NRCAM: variants seen among roughly 807,000 people sequenced by gnomAD.
NRCAM encodes neuronal cell adhesion molecule.
Under a neutral mutation model 156.5 loss-of-function variants are expected in NRCAM, and 83 were observed. The ratio of observed to expected loss-of-function variants is 0.53; its 90% CI spans 0.44 to 0.64. The LOEUF is 0.64. Ranked by LOEUF, NRCAM falls within the 30% of genes least tolerant of loss-of-function variation. NRCAM has a pLI of 0.00. For missense variants in NRCAM, 1,417 were observed against 1,597.3 expected, an observed-to-expected ratio of 0.89 and a Z score of 1.92; for synonymous variants, 538 against 563.9, an observed-to-expected ratio of 0.95 and a Z score of 0.65.
intron 2 of NRCAM, among the ~76,000 whole-genome samples, chr7:108,345,397 C>G (rs1169807408): frequency 6.6e-6 from 1 of 152,080 alleles, no homozygotes; most frequent in South Asian, 2.1e-4. Context: ...TAAAGCGGTT[C>G]AAAAATGGCA....
intron 1 of NRCAM, among the ~76,000 whole-genome samples, chr7:108,446,077 C>T (rs757001115): frequency 6.6e-6 from 1 of 152,130 alleles, no homozygotes; most frequent in African/African-American, 2.4e-5. Flanking sequence ...TGACAAGCAC[C>T]AGCTTCAGAC....
intron 2 of NRCAM, among the ~76,000 whole-genome samples, chr7:108,369,875 T>G (rs955380781): frequency 6.6e-5 from 10 of 152,140 alleles, no homozygotes; most frequent in Non-Finnish European, 1.3e-4. Context: ...GGGTAGAAAC[T>G]TGAACTTTAG....
chr7:108,230,680 C>A (rs1404987162), intron 8 of NRCAM, among the ~76,000 whole-genome samples: 1 of 152,018 alleles, frequency 6.6e-6, no homozygotes, highest in African/African-American at 2.4e-5. Context: ...TATTTAGGGG[C>A]ATGGCTTGCT....
intron 3 of NRCAM, among the ~76,000 whole-genome samples, chr7:108,299,449 AT>A (rs2098545599): frequency 1.3e-5 from 2 of 152,034 alleles, no homozygotes; most frequent in Admixed American, 1.3e-4. Context: ...CAGTCCAAGA[AT>A]TTTTTTTCAG....
At chr7:108,257,074 AGAAG>A (rs1198291523) in intron 3 of NRCAM, among the ~76,000 whole-genome samples, 8 of 151,008 alleles carry the variant, frequency 5.3e-5, no homozygotes, top group Non-Finnish European at 8.9e-5. Context: ...GAAAGAAGAA[AGAAG>A]GAAGGAAGGA....
chr7:108,275,966 T>C (rs1259675044), intron 3 of NRCAM, among the ~76,000 whole-genome samples: 3 of 152,240 alleles, frequency 2.0e-5, no homozygotes, highest in Non-Finnish European at 4.4e-5. Flanking sequence ...AGAACATCTT[T>C]ATTTCTGCCT....
chr7:108,273,200 A>G lies in NRCAM; in HGVS notation c.-106-33030T>C, dbSNP rs540084728. 1.2e-3 allele frequency among the ~76,000 whole-genome samples: 178 copies of G among 152,316 alleles called. 1 individual carries two copies. The highest frequency in any genetic ancestry group is 3.4e-3 in the Middle Eastern group (1 of 294). ...CTTTGCTATTGTGAATAGTGCCGCAATAAACAAAAGTGTACATGTGTCTTT... is the reference window on the plus strand; with the variant it reads ...CTTTGCTATTGTGAATAGTGCCGCAGTAAACAAAAGTGTACATGTGTCTTT... On this transcript the variant is annotated intron_variant, in intron 3 of 32. Coordinates refer to ENST00000379028, the MANE Select transcript of NRCAM (RefSeq NM_001037132.4).
At chr7:108,304,599 A>T (rs561318034) in intron 3 of NRCAM, among the ~76,000 whole-genome samples, 1 of 152,166 alleles carries the variant, frequency 6.6e-6, no homozygotes, top group East Asian at 1.9e-4. Flanking sequence ...GATTCCATAA[A>T]TTAGTATCTT....
At chr7:108,274,869 G>C (rs1438354900) in intron 3 of NRCAM, among the ~76,000 whole-genome samples, 1 of 152,166 alleles carries the variant, frequency 6.6e-6, no homozygotes, top group African/African-American at 2.4e-5. Flanking sequence ...GACATTAGCT[G>C]TGGGTTTGTC....
intron 32 of NRCAM, among the ~76,000 whole-genome samples, chr7:108,156,014 T>C (rs1158899672): frequency 6.6e-6 from 1 of 152,084 alleles, no homozygotes; most frequent in African/African-American, 2.4e-5. Context: ...TTCTGTCTGA[T>C]TTTCCTGTTG....
chr7:108,378,494 T>C (rs969602769), intron 2 of NRCAM, among the ~76,000 whole-genome samples: 4 of 152,028 alleles, frequency 2.6e-5, no homozygotes, highest in African/African-American at 9.7e-5. Flanking sequence ...CTAACATTTA[T>C]AATAGGACCT....
chr7:108,165,500 G>A (rs960349714), intron 30 of NRCAM, among the ~76,000 whole-genome samples: 4 of 152,118 alleles, frequency 2.6e-5, no homozygotes, highest in African/African-American at 9.7e-5. Context: ...ATATCTACTT[G>A]ACTTTTAGTA....
rs1443189064 is a variant in NRCAM at position 108,209,472 on chromosome 7, C to A, written c.1024G>T (p.Ala342Ser). ...TGGATGGCTCCTAATGCGTTTTTTG[C>A]TATACATTGGTAATTTCCAGAGTCT... ...EADSGNYQCI[A>S]KNALGAIHHT... The change falls in exon 12 of 33, where the codon GCA (alanine) becomes TCA (serine). Residue 342 changes from alanine to serine, a missense_variant. This residue lies in a region of NRCAM where 1,238 missense variants were observed against 1,336.4 expected (regional missense o/e 0.93). Transcript: ENST00000379028. 1 of 1,609,346 alleles carries A rather than the reference C, an allele frequency of 6.2e-7. No homozygotes were observed. The highest frequency in any genetic ancestry group is 8.5e-7 in the Non-Finnish European group (1 of 1,178,124).
intron 3 of NRCAM, among the ~76,000 whole-genome samples, chr7:108,253,880 C>T (rs771967915): frequency 1.3e-5 from 2 of 152,038 alleles, no homozygotes; most frequent in African/African-American, 2.4e-5. Flanking sequence ...TTGCTGGGGC[C>T]AAGTTACAAT....
At chr7:108,270,276 G>A (rs1393626928) in intron 3 of NRCAM, among the ~76,000 whole-genome samples, 1 of 152,086 alleles carries the variant, frequency 6.6e-6, no homozygotes, top group Non-Finnish European at 1.5e-5. Context: ...TGGGCTTTAG[G>A]GTTTGCCATA....
intron 3 of NRCAM, among the ~76,000 whole-genome samples, chr7:108,278,196 G>C (rs975884746): frequency 6.6e-6 from 1 of 152,240 alleles, no homozygotes; most frequent in Non-Finnish European, 1.5e-5. Context: ...ACAGGGGTCA[G>C]GGACCCACTG....
intron 3 of NRCAM, among the ~76,000 whole-genome samples, chr7:108,268,962 T>G (rs571289585): frequency 6.6e-5 from 10 of 152,284 alleles, no homozygotes; most frequent in East Asian, 3.9e-4. Flanking sequence ...ACTATTATTA[T>G]CCTCGCTTTA....
intron 6 of NRCAM, among the ~76,000 whole-genome samples, 167 bp from the exon 7 acceptor site, chr7:108,232,689 T>C (rs753732365): frequency 5.3e-5 from 8 of 152,048 alleles, no homozygotes; most frequent in Non-Finnish European, 1.2e-4. Flanking sequence ...AATCATGACC[T>C]GGGAAAAAAG....
chr7:108,424,473 T>C (rs6975183), intron 1 of NRCAM, among the ~76,000 whole-genome samples: 136,831 of 152,236 alleles, frequency 0.9, 61,974 homozygotes, highest in East Asian at 1. Flanking sequence ...ATGTGTTGCC[T>C]ATCAGGCAAG....
Sources: gnomAD v4.1 joint callset for allele counts (sites outside exome capture counted in the v4.1 genomes callset) on GRCh38, gnomAD v4.1.1 for gene constraint, gnomAD v4.1.1 regional missense constraint, MANE v1.5 for transcripts, NCBI Gene and HGNC (gene_info 2026-07-23, HGNC 2026-07-21) for gene names.